NRAS: variants seen among roughly 807,000 people sequenced by gnomAD.
NRAS encodes the protein GTPase NRas.
Under a neutral mutation model 21.3 loss-of-function variants are expected in NRAS, and 6 were observed. The observed-to-expected ratio is 0.28, with a 90% CI of 0.15 to 0.56. The LOEUF (loss-of-function observed/expected upper bound fraction) is 0.56. NRAS is among the 20% of genes least tolerant of loss of function. The pLI is 0.93. For synonymous variants in NRAS, 84 were observed against 82.0 expected, an observed-to-expected ratio of 1.02 and a Z score of -0.13; for missense variants, 143 against 231.3, an observed-to-expected ratio of 0.62 and a Z score of 2.48.
chr1:114,714,591 T>G (rs1483041327), intron 2 of NRAS, among the ~76,000 whole-genome samples: 1 of 152,172 alleles, frequency 6.6e-6, no homozygotes, highest in Admixed American at 6.5e-5. Context: ...AAAAATACTT[T>G]CATTTTGGTT....
intron 4 of NRAS, 69 bp downstream of exon 4, chr1:114,709,500 G>C (rs1658993076): frequency 8.2e-7 from 1 of 1,223,904 alleles, no homozygotes; most frequent in Non-Finnish European, 1.2e-6. Flanking sequence ...TATGAATATG[G>C]ATCACATCTC....
chr1:114,710,564 TGAGAGCGAGAGAAAGA>T (rs1170313201), intron 3 of NRAS, among the ~76,000 whole-genome samples: 2 of 150,486 alleles, frequency 1.3e-5, no homozygotes, highest in African/African-American at 4.9e-5. Flanking sequence ...AGAAAGAAAG[TGAGAGCGAGAGAAAGA>T]GAGAGCGAGA....
intron 3 of NRAS, 67 bp downstream of exon 3, chr1:114,713,733 C>G (rs550430098): frequency 7.3e-7 from 1 of 1,364,310 alleles, no homozygotes; most frequent in Non-Finnish European, 1.1e-6. Context: ...AGTGTGGTAA[C>G]CTCATTTCCC....
chr1:114,710,251 T>TATATATTTATATATAATTTATAA (rs1557981637), intron 3 of NRAS, among the ~76,000 whole-genome samples: 5 of 64,512 alleles, frequency 7.8e-5, no homozygotes, highest in East Asian at 1.6e-3. Context: ...ATTATATATA[T>TATATATTTATATATAATTTATAA]TATATATAAA....
rs752508313 is a variant in NRAS at position 114,713,900 on chromosome 1, A to T, written c.190T>A (p.Tyr64Asn). ...ATGTATTGGTCTCTCATGGCACTGT[A>T]CTCTTCTTGTCCAGCTGTATCCAGT... is the stretch of plus-strand genomic sequence containing the variant. Reference protein sequence around the residue: ...DILDTAGQEEYSAMRDQYMRT... With the variant: ...DILDTAGQEENSAMRDQYMRT... Residue 64 changes from tyrosine to asparagine, a missense_variant, in exon 3 of 7, where the codon TAC becomes AAC. Transcript: ENST00000369535. 1 of 1,612,016 alleles carries T rather than the reference A, an allele frequency of 6.2e-7. No individual in the cohort carries two copies. Among genetic ancestry groups the T allele is most frequent in the South Asian group, 1.1e-5 (1 of 91,040 alleles).
chr1:114,705,876 A>C lies in NRAS; in HGVS notation c.*2218T>G, dbSNP rs1658901617. 6.6e-6 allele frequency: 1 copy of C among 152,024 alleles called. No homozygotes were observed. The highest frequency in any genetic ancestry group is 6.6e-5 in the Admixed American group (1 of 15,256). The allele number at this position is 152,024 out of a possible 1,614,324, so 9.4% of individuals were successfully genotyped here. ...TCTGTGCTTAGAACATACTTGGAAA[A>C]CTCTAAGTACATACATACAAGGGCT... On this transcript the variant is annotated 3_prime_UTR_variant, in exon 7 of 7. Transcript: ENST00000369535.
intron 4 of NRAS, among the ~76,000 whole-genome samples, chr1:114,709,147 TAAC>T (rs1424275773): frequency 1.3e-5 from 2 of 152,174 alleles, no homozygotes; most frequent in Non-Finnish European, 2.9e-5. Flanking sequence ...TAAAAATGCC[TAAC>T]AACAGGCTGG....
At chr1:114,713,717 T>C in intron 3 of NRAS, 83 bp downstream of exon 3, 1 of 1,174,714 alleles carries the variant, frequency 8.5e-7, no homozygotes, top group Non-Finnish European at 1.3e-6. Flanking sequence ...AAGCTCTATC[T>C]TCCCTAGTGT....
In NRAS at chr1:114,716,062, A is replaced by C; in HGVS notation, c.99T>G (p.Asp33Glu). 1 of 1,608,442 alleles carries C rather than the reference A, an allele frequency of 6.2e-7. No individual in the cohort carries two copies. The highest frequency in any genetic ancestry group is 8.5e-7 in the Non-Finnish European group (1 of 1,174,806). The change falls in exon 2 of 7, where the codon GAT becomes GAG. Residue 33 changes from aspartate to glutamate, a missense_variant. Physicochemically the swap from Asp to Glu is conservative, Grantham distance 45. Coordinates refer to ENST00000369535, the MANE Select transcript of NRAS (RefSeq NM_002524.5). ...CACTGGGCCTCACCTCTATGGTGGGATCATATTCATCTACAAAGTGGTTCT... is the reference window on the plus strand; with the variant it reads ...CACTGGGCCTCACCTCTATGGTGGGCTCATATTCATCTACAAAGTGGTTCT... ...LIQNHFVDEY[D>E]PTIEDSYRKQ...
intron 4 of NRAS, 31 bp downstream of exon 4, chr1:114,709,536 ACT>A: frequency 6.3e-7 from 1 of 1,585,874 alleles, no homozygotes; most frequent in Non-Finnish European, 8.7e-7. Context: ...ACTGATGCAA[ACT>A]CTTGCACAAA....
intron 2 of NRAS, among the ~76,000 whole-genome samples, chr1:114,714,952 C>T (rs1440894358): frequency 6.6e-6 from 1 of 152,066 alleles, no homozygotes; most frequent in East Asian, 1.9e-4. Flanking sequence ...GGTAGGGAGG[C>T]CAGGTGTTGA....
chr1:114,714,834 T>C (rs1002772185), intron 2 of NRAS, among the ~76,000 whole-genome samples: 2 of 152,220 alleles, frequency 1.3e-5, no homozygotes, highest in Admixed American at 1.3e-4. Flanking sequence ...ATGTAAAATA[T>C]TAAAGCTGTT....
At chr1:114,708,716 T>A (rs963492246) in intron 4 of NRAS, 62 bp from the exon 5 acceptor site, 2 of 1,509,496 alleles carry the variant, frequency 1.3e-6, no homozygotes, top group Non-Finnish European at 1.8e-6. Context: ...ATCCAAATTA[T>A]AAGCTCTCTT....
At chr1:114,711,758 T>C (rs1659052236) in intron 3 of NRAS, among the ~76,000 whole-genome samples, 1 of 152,094 alleles carries the variant, frequency 6.6e-6, no homozygotes, top group African/African-American at 2.4e-5. Flanking sequence ...TTCAATGACA[T>C]GTAAGGCACA....
chr1:114,709,356 A>C (rs1024804269), intron 4 of NRAS, among the ~76,000 whole-genome samples: 2 of 152,024 alleles, frequency 1.3e-5, no homozygotes, highest in Non-Finnish European at 2.9e-5. Context: ...AATCACTTGA[A>C]CCCAAGAGAC....
intron 3 of NRAS, among the ~76,000 whole-genome samples, chr1:114,711,621 AAC>A (rs1659047824): frequency 3.4e-5 from 5 of 147,344 alleles, no homozygotes; most frequent in African/African-American, 7.6e-5. Context: ...AAAAAAAACA[AAC>A]AAACAAAAAA....
rs1441722496 is a variant in NRAS at position 114,707,830 on chromosome 1, TG to T, written c.*263del. The stretch of plus-strand genomic sequence containing the variant: ...GGGTGGCAGAGGTGTGTTTGTGCTG[TG>T]GAAGAACCCAGGGCAGAAAAATAAC... On this transcript the variant is annotated 3_prime_UTR_variant, in exon 7 of 7. Coordinates refer to ENST00000369535, the MANE Select transcript of NRAS (RefSeq NM_002524.5). 2 of 152,742 alleles carry T rather than the reference TG, an allele frequency of 1.3e-5. No individual in the cohort carries two copies. The highest frequency in any genetic ancestry group is 2.9e-5 in the Non-Finnish European group (2 of 68,144). 9.5% of individuals were successfully genotyped at this position (152,742 alleles called of 1,614,324 possible). A position where few individuals can be genotyped will look rare whatever the true frequency, so the allele number is the denominator to read the frequency against.
intron 1 of NRAS, among the ~76,000 whole-genome samples, 195 bp from the exon 2 acceptor site, chr1:114,716,372 C>T (rs934553152): frequency 1.3e-5 from 2 of 152,184 alleles, no homozygotes; most frequent in African/African-American, 4.8e-5. Flanking sequence ...CCATCCTTAG[C>T]TATTTTTCAA....
intron 3 of NRAS, 41 bp from the exon 4 acceptor site, chr1:114,709,769 G>T (rs1232209327): frequency 2.6e-6 from 4 of 1,556,920 alleles, no homozygotes; most frequent in African/African-American, 1.4e-5. Context: ...AGAAAAACAA[G>T]ATTAGGCTGG....
Sources: gnomAD v4.1 joint callset for allele counts (sites outside exome capture counted in the v4.1 genomes callset) on GRCh38, gnomAD v4.1.1 for gene constraint, MANE v1.5 for transcripts, NCBI Gene and HGNC (gene_info 2026-07-23, HGNC 2026-07-21) for gene names.